CCDC97: variants seen among roughly 807,000 people sequenced by gnomAD.
CCDC97 encodes the protein coiled-coil domain-containing protein 97.
Under a neutral mutation model 33.9 loss-of-function variants are expected in CCDC97, and 27 were observed. The ratio of observed to expected loss-of-function variants is 0.80; its 90% CI spans 0.59 to 1.10. CCDC97 has a LOEUF of 1.10. Among genes scored for constraint, CCDC97 ranks in the 50% least tolerant of loss-of-function variants. The probability of loss-of-function intolerance (pLI) is 0.00; values close to 1 mark genes in which losing one functional copy is unlikely to be tolerated. For synonymous variants in CCDC97, 217 were observed against 194.0 expected, an observed-to-expected ratio of 1.12 and a Z score of -0.99; for missense variants, 422 against 476.6, an observed-to-expected ratio of 0.89 and a Z score of 1.07.
At chr19:41,320,494 C>G in intron 4 of CCDC97, 24 bp downstream of exon 4, 1 of 1,613,610 alleles carries the variant, frequency 6.2e-7, no homozygotes, top group East Asian at 2.2e-5. Context: ...TCCACCTCCC[C>G]ATCCCCCAGC....
chr19:41,320,404 G>C lies in CCDC97; in HGVS notation c.845G>C (p.Arg282Pro). The C allele has an allele frequency of 3.1e-6, 5 of 1,614,128 alleles. No individual in the cohort carries two copies. The highest frequency in any genetic ancestry group is 1.1e-5 in the South Asian group (1 of 91,074). The change falls in exon 4 of 5, where the codon CGA becomes CCA. Residue 282 changes from arginine (R) to proline (P), a missense_variant. Physicochemically the swap from Arg to Pro is moderately radical, Grantham distance 103. Coordinates refer to ENST00000269967, the MANE Select transcript of CCDC97 (RefSeq NM_052848.3). The part of the protein sequence containing the change: ...VPDSEERLIL[R>P]EEFTSRMHQR... ...GACTCGGAGGAGAGGCTGATCCTGCGAGAGGAGTTCACCAGCCGCATGCAC... is the reference window on the plus strand; with the variant it reads ...GACTCGGAGGAGAGGCTGATCCTGCCAGAGGAGTTCACCAGCCGCATGCAC...
intron 1 of CCDC97, among the ~76,000 whole-genome samples, chr19:41,314,155 C>CT (rs563468588): frequency 0.069 from 9,845 of 143,184 alleles, 404 homozygotes; most frequent in South Asian, 0.15. Context: ...GTTTTTTTTT[C>CT]TTTTTTTTTT....
chr19:41,312,790 C>T (rs1018892884), intron 1 of CCDC97, among the ~76,000 whole-genome samples: 3 of 151,940 alleles, frequency 2.0e-5, no homozygotes, highest in African/African-American at 7.3e-5. Context: ...TTTGACGTTG[C>T]CTTCTTTTTT....
Position 41,320,425 on chromosome 19 carries a change from T to G in CCDC97, c.866T>G (p.Met289Arg). Residue 289 changes from methionine (M) to arginine (R), a missense_variant, in exon 4 of 5, where the codon ATG becomes AGG. Physicochemically the swap from Met to Arg is moderately conservative, Grantham distance 91. Coordinates refer to ENST00000269967, the MANE Select transcript of CCDC97 (RefSeq NM_052848.3). ...LILREEFTSR[M>R]HQRFLDGKDG... Reference sequence around the variant, plus strand: ...CTGCGAGAGGAGTTCACCAGCCGCATGCACCAGCGCTTCCTAGATGGCAAG... The same window carrying G: ...CTGCGAGAGGAGTTCACCAGCCGCAGGCACCAGCGCTTCCTAGATGGCAAG... 6.2e-7 allele frequency: 1 copy of G among 1,614,120 alleles called. No homozygotes were observed. The highest frequency in any genetic ancestry group is 8.5e-7 in the Non-Finnish European group (1 of 1,180,002).
intron 1 of CCDC97, among the ~76,000 whole-genome samples, chr19:41,312,522 C>G (rs2037698104): frequency 6.6e-6 from 1 of 152,248 alleles, no homozygotes; most frequent in African/African-American, 2.4e-5. Flanking sequence ...TGCTCCTTCT[C>G]AGCCTGACTT....
chr19:41,322,790 C>T lies in CCDC97; in HGVS notation c.*75C>T, dbSNP rs187996888. ...AGCTGATTCCAGGCCTGCTCAGTGACCCTTTCTCTAGGGGGACATCAGGGC... is the reference window on the plus strand; with the variant it reads ...AGCTGATTCCAGGCCTGCTCAGTGATCCTTTCTCTAGGGGGACATCAGGGC... On this transcript the variant is annotated 3_prime_UTR_variant, in exon 5 of 5. Transcript: ENST00000269967. 5.8e-6 allele frequency: 9 copies of T among 1,546,742 alleles called. No individual in the cohort carries two copies. Among genetic ancestry groups the T allele is most frequent in the Non-Finnish European group, 7.9e-6 (9 of 1,138,228 alleles).
chr19:41,315,295 T>C (rs1313810422), intron 1 of CCDC97, among the ~76,000 whole-genome samples: 2 of 43,946 alleles, frequency 4.6e-5, no homozygotes, highest in Non-Finnish European at 7.7e-5. Flanking sequence ...AGACTCCGTC[T>C]CAAAAAAAAA....
rs764111028 is a variant in CCDC97 at position 41,317,992 on chromosome 19, CAAAAAAA to C, written c.502+1163_502+1169del. On this transcript the variant is annotated intron_variant, in intron 2 of 4. Transcript: ENST00000269967. ...CATGAATCTGGGAGGTGGAGGTTGC[CAAAAAAA>C]AAAAAAAAAGAAGAAAGATGAATGA... Among the ~76,000 whole-genome samples, 7 of 61,890 alleles carry C rather than the reference CAAAAAAA, an allele frequency of 1.1e-4. No individual in the cohort carries two copies. The South Asian group carries it at 3.1e-3, about 28-fold the overall frequency. 40.6% of individuals were successfully genotyped at this position (61,890 alleles called of 152,430 possible).
In CCDC97 at chr19:41,322,641, C is replaced by T. The variant is rs1410723103; in HGVS notation, c.958C>T (p.Arg320Trp). The part of the protein sequence containing the change: ...PDFDNLDIVA[R>W]DEEERYFDEE... ...CTTCGACAACCTCGACATCGTGGCA[C>T]GGGATGAGGAGGAGAGGTACTTTGA... Residue 320 changes from arginine to tryptophan, a missense_variant, in exon 5 of 5, where the codon CGG becomes TGG. Arg to Trp is a moderately radical substitution (Grantham distance 101). Coordinates refer to ENST00000269967, the MANE Select transcript of CCDC97 (RefSeq NM_052848.3). 2.0e-5 allele frequency: 32 copies of T among 1,613,728 alleles called. No individual in the cohort carries two copies. Among genetic ancestry groups the T allele is most frequent in the Admixed American group, 1.2e-4 (7 of 59,982 alleles).
Position 41,319,737 on chromosome 19 carries a change from C to G in CCDC97, c.666C>G (p.Asn222Lys). The part of the protein sequence containing the change: ...SPGRPACPLS[N>K]LLLQSYEERE... ...GGAGACCTGCTTGCCCGCTCTCCAACTTGCTGCTCCAGTCCTACGAGGAGC... is the reference window on the plus strand; with the variant it reads ...GGAGACCTGCTTGCCCGCTCTCCAAGTTGCTGCTCCAGTCCTACGAGGAGC... Residue 222 changes from asparagine (N) to lysine (K), a missense_variant, in exon 3 of 5, where the codon AAC becomes AAG. By Grantham distance (94) the Asn-to-Lys change is moderately conservative. Transcript: ENST00000269967. The G allele has an allele frequency of 6.2e-7, 1 of 1,613,912 alleles. No individual in the cohort carries two copies. Among genetic ancestry groups the G allele is most frequent in the Non-Finnish European group, 8.5e-7 (1 of 1,179,872 alleles).
chr19:41,324,132 G>A lies in CCDC97; in HGVS notation c.*1417G>A, dbSNP rs1249499788. The A allele has an allele frequency of 6.6e-6, 1 of 152,332 alleles. No homozygotes were observed. The highest frequency in any genetic ancestry group is 1.5e-5 in the Non-Finnish European group (1 of 68,114). 9.4% of individuals were successfully genotyped at this position (152,332 alleles called of 1,614,324 possible). On this transcript the variant is annotated 3_prime_UTR_variant, in exon 5 of 5. Transcript: ENST00000269967. ...GGTCAACCAGAATTAGAGCCAGACA[G>A]GGAAAGTGAGAGCTGGATGGAGGCA...
chr19:41,312,235 C>T (rs1303837174), intron 1 of CCDC97, among the ~76,000 whole-genome samples: 2 of 152,184 alleles, frequency 1.3e-5, no homozygotes, highest in African/African-American at 4.8e-5. Flanking sequence ...AGGTGCCCGC[C>T]ACTATGCCTG....
intron 2 of CCDC97, among the ~76,000 whole-genome samples, chr19:41,318,007 A>AG (rs2037770625): frequency 6.8e-6 from 1 of 148,112 alleles, no homozygotes; most frequent in African/African-American, 2.5e-5. Flanking sequence ...AAAAAAAAAA[A>AG]AGAAGAAAGA....
rs1421324373 is a variant in CCDC97 at position 41,316,395 on chromosome 19, C to T, written c.58C>T (p.Pro20Ser). 6.2e-7 allele frequency: 1 copy of T among 1,611,946 alleles called. No homozygotes were observed. The highest frequency in any genetic ancestry group is 8.5e-7 in the Non-Finnish European group (1 of 1,178,248). Residue 20 changes from proline (P) to serine (S), a missense_variant, in exon 2 of 5, where the codon CCT becomes TCT. Coordinates refer to ENST00000269967, the MANE Select transcript of CCDC97 (RefSeq NM_052848.3). Reference protein sequence around the residue: ...AKEPDKGCIEPGPGHWGELSR... With the variant: ...AKEPDKGCIESGPGHWGELSR... The stretch of plus-strand genomic sequence containing the variant: ...TCTCCTTTCCTCAGGCTGCATAGAG[C>T]CTGGACCTGGGCACTGGGGTGAGCT...
intron 1 of CCDC97, among the ~76,000 whole-genome samples, chr19:41,314,725 G>T (rs550481247): frequency 6.6e-6 from 1 of 152,176 alleles, no homozygotes; most frequent in East Asian, 1.9e-4. Context: ...CCTTGGCCAG[G>T]CATGGTGGTT....
At chr19:41,312,080 T>A (rs1003954767) in intron 1 of CCDC97, among the ~76,000 whole-genome samples, 1 of 152,000 alleles carries the variant, frequency 6.6e-6, no homozygotes, top group Non-Finnish European at 1.5e-5. Context: ...CCCATTCAGG[T>A]TTTTGTTTGT....
chr19:41,316,613 A>G lies in CCDC97; in HGVS notation c.276A>G (p.Lys92=), dbSNP rs762910887. The G allele has an allele frequency of 1.9e-6, 3 of 1,614,240 alleles. No individual in the cohort carries two copies. The highest frequency in any genetic ancestry group is 2.5e-6 in the Non-Finnish European group (3 of 1,180,050). ...QGEPDLTEHE[K]VAILAQLYHE... ...AACCCGACTTGACAGAGCATGAGAA[A>G]GTGGCCATCCTGGCCCAGCTGTACC... The change falls in exon 2 of 5, where the codon AAA becomes AAG. Residue 92 remains lysine, a synonymous_variant. Coordinates refer to ENST00000269967, the MANE Select transcript of CCDC97 (RefSeq NM_052848.3).
intron 1 of CCDC97, among the ~76,000 whole-genome samples, chr19:41,315,296 C>CA (rs71177714): frequency 0.018 from 728 of 41,034 alleles, 31 homozygotes; most frequent in African/African-American, 0.037. Context: ...GACTCCGTCT[C>CA]AAAAAAAAAA....
chr19:41,322,784 C>A lies in CCDC97; in HGVS notation c.*69C>A. 1 of 1,560,796 alleles carries A rather than the reference C, an allele frequency of 6.4e-7. No individual in the cohort carries two copies. The highest frequency in any genetic ancestry group is 8.7e-7 in the Non-Finnish European group (1 of 1,148,150). ...CAAGGCAGCTGATTCCAGGCCTGCT[C>A]AGTGACCCTTTCTCTAGGGGGACAT... On this transcript the variant is annotated 3_prime_UTR_variant, in exon 5 of 5. Transcript: ENST00000269967.
Sources: gnomAD v4.1 joint callset for allele counts (sites outside exome capture counted in the v4.1 genomes callset) on GRCh38, gnomAD v4.1.1 for gene constraint, MANE v1.5 for transcripts, NCBI Gene and HGNC (gene_info 2026-07-23, HGNC 2026-07-21) for gene names.